The following PALLD variants were observed in gnomAD, a reference collection of about 807,000 sequenced individuals.
PALLD encodes the protein palladin.
Under a neutral mutation model 123.5 loss-of-function variants are expected in PALLD, and 61 were observed. The observed-to-expected ratio is 0.49, with a 90% CI of 0.40 to 0.61. The LOEUF is 0.61. PALLD is among the 20% of genes least tolerant of loss of function. The probability of loss-of-function intolerance (pLI) is 0.00; values close to 1 mark genes in which losing one functional copy is unlikely to be tolerated. For synonymous variants in PALLD, 465 were observed against 496.4 expected (o/e 0.94, Z 0.84); for missense variants, 1,273 against 1,377.0 (o/e 0.92, Z 1.20).
chr4:168,532,453 A>G (rs1764692222), intron 2 of PALLD, among the ~76,000 whole-genome samples: 1 of 152,244 alleles, frequency 6.6e-6, no homozygotes, highest in Admixed American at 6.5e-5. Flanking sequence ...ATGAATGAAT[A>G]GGACCAATCC....
intron 2 of PALLD, among the ~76,000 whole-genome samples, chr4:168,660,638 A>G (rs1459667850): frequency 6.6e-6 from 1 of 152,140 alleles, no homozygotes; most frequent in Non-Finnish European, 1.5e-5. Flanking sequence ...ACATATTTAT[A>G]AAAAACAATT....
intron 9 of PALLD, among the ~76,000 whole-genome samples, chr4:168,709,796 CA>C (rs1462129012): frequency 1.3e-5 from 2 of 151,790 alleles, no homozygotes; most frequent in African/African-American, 4.8e-5. Context: ...AGATGACAAA[CA>C]AAAAGATAAT....
rs73864634 is a variant in PALLD, at chr4:168,736,367, G to A, written c.1964+24444G>A. 6.5e-3 allele frequency among the ~76,000 whole-genome samples: 985 copies of A among 152,246 alleles called. 14 individuals carry two copies. The highest frequency in any genetic ancestry group is 0.022 in the African/African-American group (919 of 41,538). ...CAGAAACATCAGAATGCATTTGAAG[G>A]CTTTAGCCTTTCCTTCATGATTAGA... On this transcript the variant is annotated intron_variant, in intron 10 of 21. Coordinates refer to ENST00000505667, the MANE Select transcript of PALLD (RefSeq NM_001166108.2).
intron 2 of PALLD, among the ~76,000 whole-genome samples, chr4:168,636,289 A>T (rs1223521347): frequency 6.6e-6 from 1 of 152,152 alleles, no homozygotes; most frequent in African/African-American, 2.4e-5. Flanking sequence ...GAGTTCTGAC[A>T]CCAGCCTGGG....
At chr4:168,832,410 A>G (rs1227524472) in intron 10 of PALLD, among the ~76,000 whole-genome samples, 3 of 151,786 alleles carry the variant, frequency 2.0e-5, no homozygotes, top group Non-Finnish European at 4.4e-5. Flanking sequence ...GAATGTCTGC[A>G]TCATCTTGGC....
chr4:168,891,522 A>T (rs1754145647), intron 11 of PALLD, among the ~76,000 whole-genome samples: 1 of 152,208 alleles, frequency 6.6e-6, no homozygotes, highest in Non-Finnish European at 1.5e-5. Flanking sequence ...GAATCCAAAG[A>T]CAAAAGAGAA....
chr4:168,691,259 T>C lies in PALLD; in HGVS notation c.1478-10T>C, dbSNP rs889066620. 2.5e-6 allele frequency: 4 copies of C among 1,607,154 alleles called. No individual in the cohort carries two copies. Among genetic ancestry groups the C allele is most frequent in the Middle Eastern group, 1.7e-4 (1 of 6,026 alleles). On this transcript the variant is annotated splice_polypyrimidine_tract_variant and intron_variant, in intron 7 of 21. Transcript: ENST00000505667. ...TTTGTTCTAATTTATTTTTTTCATG[T>C]GGCAAACAGAACCTAGATCTACAGC...
chr4:168,649,280 G>T (rs79292884), intron 2 of PALLD, among the ~76,000 whole-genome samples: 2,870 of 152,256 alleles, frequency 0.019, 50 homozygotes, highest in South Asian at 0.066. Flanking sequence ...AATAGATCTA[G>T]TTTTCAGACT....
chr4:168,560,093 T>C (rs1413564147), intron 2 of PALLD, among the ~76,000 whole-genome samples: 4 of 151,970 alleles, frequency 2.6e-5, no homozygotes, highest in African/African-American at 9.7e-5. Context: ...TCAGGTAGAG[T>C]ATAAAGGGGT....
chr4:168,801,600 G>A (rs993683451), intron 10 of PALLD, among the ~76,000 whole-genome samples: 8 of 152,158 alleles, frequency 5.3e-5, no homozygotes, highest in Non-Finnish European at 8.8e-5. Flanking sequence ...TTTAAAAGAC[G>A]TGCAGATAGA....
intron 2 of PALLD, among the ~76,000 whole-genome samples, chr4:168,527,422 CAAA>C (rs35555541): frequency 1.9e-4 from 10 of 52,902 alleles, no homozygotes; most frequent in Non-Finnish European, 2.7e-4. Context: ...AACTCCATCT[CAAA>C]AAAAAAAAAA....
At chr4:168,902,713 G>T (rs1464017730) in intron 14 of PALLD, among the ~76,000 whole-genome samples, 3 of 152,122 alleles carry the variant, frequency 2.0e-5, no homozygotes, top group African/African-American at 7.2e-5. Context: ...AAAAGTGAGG[G>T]AAGGAAGGAG....
chr4:168,685,810 G>GAAAAAAAA (rs70961550), intron 6 of PALLD, among the ~76,000 whole-genome samples: 53 of 65,598 alleles, frequency 8.1e-4, no homozygotes, highest in East Asian at 1.1e-3. Flanking sequence ...AAGACAGATA[G>GAAAAAAAA]AAAAAAAAAA....
intron 2 of PALLD, among the ~76,000 whole-genome samples, chr4:168,574,279 T>C (rs1439497483): frequency 6.6e-6 from 1 of 152,044 alleles, no homozygotes; most frequent in Non-Finnish European, 1.5e-5. Flanking sequence ...CTTTACAAGA[T>C]GCTTACCACA....
At chr4:168,767,515 C>G (rs1733833230) in intron 10 of PALLD, among the ~76,000 whole-genome samples, 3 of 150,922 alleles carry the variant, frequency 2.0e-5, no homozygotes, top group Admixed American at 2.0e-4. Context: ...TCCTTACATA[C>G]TGAGGTTTAT....
rs116567518 is a variant in PALLD, at chr4:168,778,915, C to G, written c.1964+66992C>G. On this transcript the variant is annotated intron_variant, in intron 10 of 21. Transcript: ENST00000505667. ...GCCTCAAGCAGTCCTCTTGCTGTAG[C>G]CTTCCAGTGCTTCGGGATTATAGGC... is the stretch of plus-strand genomic sequence containing the variant. 8.3e-3 allele frequency among the ~76,000 whole-genome samples: 1,263 copies of G among 152,344 alleles called. 17 individuals carry two copies. The highest frequency in any genetic ancestry group is 0.029 in the African/African-American group (1,203 of 41,588).
At chr4:168,825,263 T>TTCTCTCTCTTC (rs1247417466) in intron 10 of PALLD, among the ~76,000 whole-genome samples, 1 of 152,220 alleles carries the variant, frequency 6.6e-6, no homozygotes, top group East Asian at 1.9e-4. Context: ...CTTCTCCTTA[T>TTCTCTCTCTTC]TCTCTCTCTT....
intron 10 of PALLD, among the ~76,000 whole-genome samples, chr4:168,774,069 CTT>C (rs5863958): frequency 5.0e-4 from 70 of 141,126 alleles, no homozygotes; most frequent in African/African-American, 1.2e-3. Context: ...TTTTCTCTCT[CTT>C]TTTTTTTTTT....
At chr4:168,848,826 A>T (rs886770064) in intron 10 of PALLD, among the ~76,000 whole-genome samples, 3 of 152,188 alleles carry the variant, frequency 2.0e-5, no homozygotes, top group Non-Finnish European at 2.9e-5. Context: ...CTCAAAGGCT[A>T]CCTGGAGCTC....
Sources: allele counts gnomAD v4.1 joint callset (sites outside exome capture counted in the v4.1 genomes callset), GRCh38; gene constraint gnomAD v4.1.1; transcripts MANE v1.5; gene names NCBI Gene and HGNC (gene_info 2026-07-23, HGNC 2026-07-21).